ZFAT: variants seen among roughly 807,000 people sequenced by gnomAD.
ZFAT encodes zinc finger protein ZFAT.
Under a neutral mutation model 117.7 loss-of-function variants are expected in ZFAT, and 64 were observed. The observed-to-expected ratio is 0.54, with a 90% CI of 0.44 to 0.67. The LOEUF (loss-of-function observed/expected upper bound fraction) is 0.67, where lower values mean the gene tolerates loss of function less well. ZFAT is among the 30% of genes least tolerant of loss of function. The probability of loss-of-function intolerance (pLI) is 0.00; values close to 1 mark genes in which losing one functional copy is unlikely to be tolerated. For missense variants in ZFAT, 1,433 were observed against 1,584.5 expected (o/e 0.90, Z 1.62); for synonymous variants, 679 against 615.0 (o/e 1.10, Z -1.54).
In ZFAT at chr8:134,602,617, T is replaced by G. The variant is rs1827587634; in HGVS notation, c.1102A>C (p.Asn368His). Reference sequence around the variant, plus strand: ...GCGTCTCGGATGTGCTTGATGAGGTTCTTGACGTCAGAGTACTTCTTCTTG... The same window carrying G: ...GCGTCTCGGATGTGCTTGATGAGGTGCTTGACGTCAGAGTACTTCTTCTTG... ...FCKKKYSDVK[N>H]LIKHIRDAHD... The change falls in exon 6 of 16, where the codon AAC (asparagine) becomes CAC (histidine). Residue 368 changes from asparagine to histidine, a missense_variant. Transcript: ENST00000377838. The G allele has an allele frequency of 6.2e-7, 1 of 1,614,072 alleles. No homozygotes were observed. The highest frequency in any genetic ancestry group is 8.5e-7 in the Non-Finnish European group (1 of 1,180,050).
At chr8:134,760,275 A>AG in the ZFAT span, among the ~76,000 whole-genome samples, 1 of 36,488 alleles carries the variant, frequency 2.7e-5, no homozygotes, top group East Asian at 4.6e-4. Context: ...CTCAAAAAGA[A>AG]AAAAAAAAAA....
At chr8:134,483,112 G>C (rs1039619196) in intron 15 of ZFAT, among the ~76,000 whole-genome samples, 2 of 152,174 alleles carry the variant, frequency 1.3e-5, no homozygotes, top group Non-Finnish European at 2.9e-5. Flanking sequence ...ATCACACTCT[G>C]TTTGCTTTTA....
intron 3 of ZFAT, among the ~76,000 whole-genome samples, chr8:134,611,387 G>T (rs2130974351): frequency 6.6e-6 from 1 of 152,390 alleles, no homozygotes; most frequent in Middle Eastern, 3.4e-3. Flanking sequence ...CAGAGCCTAA[G>T]TATAAACCAG....
At chr8:134,577,611 A>ATACTTTGAATAAATTCAAAG (rs1825400276) in intron 10 of ZFAT, among the ~76,000 whole-genome samples, 2 of 152,030 alleles carry the variant, frequency 1.3e-5, no homozygotes, top group African/African-American at 4.8e-5. Context: ...ATAAACACAA[A>ATACTTTGAATAAATTCAAAG]TTTATTGAGT....
intron 1 of ZFAT, among the ~76,000 whole-genome samples, chr8:134,667,452 C>A (rs1291247199): frequency 1.4e-5 from 2 of 144,316 alleles, no homozygotes; most frequent in East Asian, 4.1e-4. Flanking sequence ...GGGATCGCAC[C>A]ACTGCACTCC....
chr8:134,677,991 G>A (rs200200140), intron 1 of ZFAT, among the ~76,000 whole-genome samples: 27 of 152,162 alleles, frequency 1.8e-4, no homozygotes, highest in Non-Finnish European at 3.1e-4. Context: ...AGCCAATATC[G>A]TATTGAATGG....
At chr8:134,575,258 T>C (rs2130812583) in intron 10 of ZFAT, among the ~76,000 whole-genome samples, 1 of 152,350 alleles carries the variant, frequency 6.6e-6, no homozygotes, top group Middle Eastern at 3.4e-3. Context: ...CAGATGTGAT[T>C]AAGCTAAAGA....
chr8:134,716,938 A>G (rs568092222), upstream of ZFAT, among the ~76,000 whole-genome samples: 326 of 152,300 alleles, frequency 2.1e-3, 2 homozygotes, highest in African/African-American at 7.4e-3. Context: ...CGAGGGGCAG[A>G]TAAGTTTACT....
At chr8:134,690,320 G>A (rs533680037) in intron 1 of ZFAT, among the ~76,000 whole-genome samples, 6 of 152,316 alleles carry the variant, frequency 3.9e-5, no homozygotes, top group East Asian at 1.9e-4. Flanking sequence ...GTCCCTGTCC[G>A]CACTGTTACA....
At chr8:134,683,299 C>T (rs1340164493) in intron 1 of ZFAT, among the ~76,000 whole-genome samples, 1 of 152,176 alleles carries the variant, frequency 6.6e-6, no homozygotes, top group African/African-American at 2.4e-5. Flanking sequence ...GATGAGAAAG[C>T]TATAACTTGC....
At chr8:134,673,761 A>G (rs1469657518) in intron 1 of ZFAT, among the ~76,000 whole-genome samples, 1 of 152,234 alleles carries the variant, frequency 6.6e-6, no homozygotes, top group Non-Finnish European at 1.5e-5. Context: ...CCAAAAGGAC[A>G]TAAGTATTCC....
the ZFAT span, among the ~76,000 whole-genome samples, chr8:134,788,012 T>C: frequency 2.0e-5 from 3 of 152,150 alleles, no homozygotes; most frequent in African/African-American, 7.2e-5. Context: ...AATGGTATTA[T>C]TTTCTTCTTT....
In ZFAT at chr8:134,629,926, T is replaced by C. The variant is rs1465354022; in HGVS notation, c.448+7535A>G. On this transcript the variant is annotated intron_variant, in intron 3 of 15. Transcript: ENST00000377838. ...GTGAAACCACCCAGGCTCTCTTCCCTCCTGTACCATGACCAGCTACCTTCA... is the reference window on the plus strand; with the variant it reads ...GTGAAACCACCCAGGCTCTCTTCCCCCCTGTACCATGACCAGCTACCTTCA... 2.0e-5 allele frequency among the ~76,000 whole-genome samples: 3 copies of C among 152,292 alleles called. No homozygotes were observed. The South Asian group carries it at 6.2e-4, about 32-fold the overall frequency.
At chr8:134,668,877 A>T (rs1563746880) in intron 1 of ZFAT, among the ~76,000 whole-genome samples, 1 of 152,232 alleles carries the variant, frequency 6.6e-6, no homozygotes, top group Non-Finnish European at 1.5e-5. Context: ...CGAATGCCTA[A>T]CTAGAATAAT....
chr8:134,579,771 C>T (rs542387889), intron 10 of ZFAT, among the ~76,000 whole-genome samples: 11 of 148,368 alleles, frequency 7.4e-5, no homozygotes, highest in Non-Finnish European at 1.6e-4. Flanking sequence ...GCCAACATGG[C>T]GAAACCCCAT....
At chr8:134,701,605 G>A (rs1331606831) in intron 1 of ZFAT, among the ~76,000 whole-genome samples, 4 of 152,222 alleles carry the variant, frequency 2.6e-5, no homozygotes, top group Non-Finnish European at 5.9e-5. Flanking sequence ...CACAGCAGCT[G>A]CACTGTTTTT....
At position 134,698,149 on chromosome 8, in the gene ZFAT, C is replaced by T. The variant is rs376315582; in HGVS notation, c.19+14696G>A. 5.9e-5 allele frequency among the ~76,000 whole-genome samples: 9 copies of T among 151,604 alleles called. No individual in the cohort carries two copies. In the East Asian group the frequency reaches 1.6e-3, roughly 27 times the overall value. ...ACCAGCCTGGCCAACATGGCAAAAC[C>T]CCGTCTCTATTAAACATACAAAAAA... On this transcript the variant is annotated intron_variant, in intron 1 of 15. Coordinates refer to ENST00000377838, the MANE Select transcript of ZFAT (RefSeq NM_020863.4).
At chr8:134,635,142 C>A (rs990755592) in intron 3 of ZFAT, among the ~76,000 whole-genome samples, 2 of 152,156 alleles carry the variant, frequency 1.3e-5, no homozygotes, top group Admixed American at 1.3e-4. Flanking sequence ...CCGTACAAAC[C>A]TGCGGCCCAG....
chr8:134,626,915 G>C (rs1829554600), intron 3 of ZFAT, among the ~76,000 whole-genome samples: 1 of 152,228 alleles, frequency 6.6e-6, no homozygotes, highest in African/African-American at 2.4e-5. Context: ...TGTTTGCCGG[G>C]ACTGCCTACA....
Sources: allele counts gnomAD v4.1 joint callset (sites outside exome capture counted in the v4.1 genomes callset), GRCh38; gene constraint gnomAD v4.1.1; transcripts MANE v1.5; gene names NCBI Gene and HGNC (gene_info 2026-07-23, HGNC 2026-07-21).